Variants in NPIPA5 observed in about 807,000 individuals in gnomAD.
The protein encoded by NPIPA5 is nuclear pore complex interacting protein family member A5.
NPIPA5 carries 6 observed loss-of-function variants against 21.4 expected under a neutral mutation model. That is an observed-to-expected ratio of 0.28 (90% CI 0.15 to 0.55). The LOEUF is 0.55. NPIPA5 is among the 20% of genes least tolerant of loss of function. NPIPA5 has a pLI of 0.93. For missense variants in NPIPA5, 99 were observed against 318.2 expected, an observed-to-expected ratio of 0.31 and a Z score of 5.24; for synonymous variants, 33 against 115.3, an observed-to-expected ratio of 0.29 and a Z score of 4.57.
chr16:15,372,527 A>G (rs1448346698), intron 2 of NPIPA5, among the ~76,000 whole-genome samples: 1 of 146,288 alleles, frequency 6.8e-6, no homozygotes, highest in Non-Finnish European at 1.5e-5. Context: ...TCCAATTTAT[A>G]CCAAAAATTC....
rs1297986902 is a variant in NPIPA5 at position 15,370,602 on chromosome 16, T to G, written c.193-483A>C. Among the ~76,000 whole-genome samples the G allele has an allele frequency of 6.7e-4, 95 of 142,406 alleles. 10 individuals carry two copies. Among genetic ancestry groups the G allele is most frequent in the Non-Finnish European group, 5.2e-4 (34 of 65,664 alleles). 93.4% of individuals were successfully genotyped at this position (142,406 alleles called of 152,430 possible). On this transcript the variant is annotated intron_variant, in intron 2 of 7. Coordinates refer to ENST00000360151, the MANE Select transcript of NPIPA5 (RefSeq NM_001277325.2). ...CGCTGTCTCTGCTAAAAATACAAAA[T>G]TAGCCAGGCATGGTGGTGCATGCCT... is the stretch of plus-strand genomic sequence containing the variant.
chr16:15,378,992 T>C (rs1457576962), upstream of NPIPA5, among the ~76,000 whole-genome samples: 19 of 146,378 alleles, frequency 1.3e-4, no homozygotes, highest in African/African-American at 3.8e-4. Flanking sequence ...TCCAAGCAGG[T>C]GGGCAGGACC....
In NPIPA5 at chr16:15,370,577, C is replaced by T. The variant is rs1415275370; in HGVS notation, c.193-458G>A. ...GACCAGCCTCACCAACATGGAGAAACGCTGTCTCTGCTAAAAATACAAAAT... is the reference window on the plus strand; with the variant it reads ...GACCAGCCTCACCAACATGGAGAAATGCTGTCTCTGCTAAAAATACAAAAT... On this transcript the variant is annotated intron_variant, in intron 2 of 7. Transcript: ENST00000360151. Among the ~76,000 whole-genome samples, 623 of 144,306 alleles carry T rather than the reference C, an allele frequency of 4.3e-3. 44 individuals carry two copies. Among genetic ancestry groups the T allele is most frequent in the Non-Finnish European group, 4.7e-3 (310 of 66,216 alleles). 94.7% of individuals were successfully genotyped at this position (144,306 alleles called of 152,430 possible).
upstream of NPIPA5, among the ~76,000 whole-genome samples, chr16:15,379,962 T>A (rs950625894): frequency 1.3e-5 from 2 of 150,260 alleles, no homozygotes; most frequent in African/African-American, 5.0e-5. Flanking sequence ...ATAAAAAATA[T>A]ATATATATGT....
chr16:15,376,088 T>G (rs1226315905), intron 1 of NPIPA5, among the ~76,000 whole-genome samples: 1 of 152,056 alleles, frequency 6.6e-6, no homozygotes, highest in Non-Finnish European at 1.5e-5. Context: ...AGAAATACGG[T>G]GTTGAGCAGA....
At chr16:15,371,275 C>A (rs563322284) in intron 2 of NPIPA5, among the ~76,000 whole-genome samples, 1 of 142,640 alleles carries the variant, frequency 7.0e-6, no homozygotes, top group Non-Finnish European at 1.5e-5. Flanking sequence ...TCTGTCCCTG[C>A]TCTACTCAGA....
chr16:15,366,828 A>C, intron 4 of NPIPA5, 68 bp from the exon 5 acceptor site: 2 of 1,516,018 alleles, frequency 1.3e-6, no homozygotes, highest in South Asian at 1.2e-5. Context: ...CCCTTCTGGC[A>C]TCTGAAGGCT....
At chr16:15,376,294 C>T (rs62037840) in intron 1 of NPIPA5, among the ~76,000 whole-genome samples, 23,239 of 141,542 alleles carry the variant, frequency 0.16, 2,428 homozygotes, top group East Asian at 0.51. Context: ...TTTGGGAGGC[C>T]GAGGCGGGCG....
intron 7 of NPIPA5, 196 bp downstream of exon 7, chr16:15,365,233 G>GC (rs1319115148): frequency 6.3e-7 from 1 of 1,588,304 alleles, no homozygotes; most frequent in African/African-American, 1.4e-5. Context: ...TTAGATGGGG[G>GC]CCCCACTGGG....
chr16:15,367,240 T>C (rs2050000579), intron 4 of NPIPA5, among the ~76,000 whole-genome samples: 2 of 152,252 alleles, frequency 1.3e-5, no homozygotes, highest in South Asian at 4.1e-4. Flanking sequence ...ACTGAGACCA[T>C]CAGCCATAGA....
At chr16:15,368,583 G>A (rs973121378) in intron 4 of NPIPA5, among the ~76,000 whole-genome samples, 5 of 149,964 alleles carry the variant, frequency 3.3e-5, no homozygotes, top group Admixed American at 6.7e-5. Context: ...AACAATCCAG[G>A]CTGGGTGCGG....
chr16:15,364,005 G>A lies in NPIPA5; in HGVS notation c.707C>T (p.Ala236Val), dbSNP rs770203254. The A allele has an allele frequency of 1.3e-6, 2 of 1,584,340 alleles. No homozygotes were observed. The highest frequency in any genetic ancestry group is 1.7e-6 in the Non-Finnish European group (2 of 1,174,100). Residue 236 changes from alanine (A) to valine (V), a missense_variant, in exon 8 of 8, where the codon GCT (alanine) becomes GTT (valine). Coordinates refer to ENST00000360151, the MANE Select transcript of NPIPA5 (RefSeq NM_001277325.2). ...GCCCATCCTGTTTTTTAAAGTTTCAGCTGTGAGGTAGGGCCAGTAGGGCAA... is the reference window on the plus strand; with the variant it reads ...GCCCATCCTGTTTTTTAAAGTTTCAACTGTGAGGTAGGGCCAGTAGGGCAA... ...SGLPYWPYLTAETLKNRMGHQ... is the reference protein window; with the variant it reads ...SGLPYWPYLTVETLKNRMGHQ...
At chr16:15,379,952 A>T (rs1345049437), upstream of NPIPA5, among the ~76,000 whole-genome samples, 1 of 151,504 alleles carries the variant, frequency 6.6e-6, no homozygotes, top group South Asian at 2.1e-4. Flanking sequence ...TCAAAAAAAA[A>T]TAAAAAATAT....
chr16:15,372,444 C>T (rs1313772957), intron 2 of NPIPA5, among the ~76,000 whole-genome samples: 2 of 146,158 alleles, frequency 1.4e-5, no homozygotes, highest in Non-Finnish European at 3.0e-5. Context: ...GAGATCACAC[C>T]ATTATACTCC....
chr16:15,372,330 C>T (rs1333849788), intron 2 of NPIPA5, among the ~76,000 whole-genome samples: 2 of 147,908 alleles, frequency 1.4e-5, no homozygotes, highest in African/African-American at 4.9e-5. Context: ...ACTAAAAATA[C>T]ACAAATTAGC....
At chr16:15,369,489 C>A (rs1166685144) in intron 4 of NPIPA5, among the ~76,000 whole-genome samples, 1 of 151,702 alleles carries the variant, frequency 6.6e-6, no homozygotes, top group Non-Finnish European at 1.5e-5. Flanking sequence ...AAACCAATGC[C>A]AGTACTAGCA....
At position 15,376,856 on chromosome 16, in the gene NPIPA5, C is replaced by A. The variant is rs557422996; in HGVS notation, c.63+1376G>T. ...ACAAAAATTAGCCAGGCATTGTAATCTGAGCTACTCAGGAGGCTGAGGCAG... is the reference window on the plus strand; with the variant it reads ...ACAAAAATTAGCCAGGCATTGTAATATGAGCTACTCAGGAGGCTGAGGCAG... On this transcript the variant is annotated intron_variant, in intron 1 of 7. Transcript: ENST00000360151. Among the ~76,000 whole-genome samples, 13 of 152,234 alleles carry A rather than the reference C, an allele frequency of 8.5e-5. No homozygotes were observed. The South Asian group carries it at 2.7e-3, about 32-fold the overall frequency.
At position 15,375,440 on chromosome 16, in the gene NPIPA5, G is replaced by A. The variant is rs182484524; in HGVS notation, c.64-1597C>T. 4.4e-3 allele frequency among the ~76,000 whole-genome samples: 654 copies of A among 149,670 alleles called. 4 individuals carry two copies. Among genetic ancestry groups the A allele is most frequent in the African/African-American group, 0.014 (555 of 40,934 alleles). The stretch of plus-strand genomic sequence containing the variant: ...ATTCACAAATAAGTATCGAATTTTA[G>A]TTCTTAAAAAGTAACAAGGTGGGCC... On this transcript the variant is annotated intron_variant, in intron 1 of 7. Transcript: ENST00000360151.
chr16:15,375,510 G>A (rs1460251864), intron 1 of NPIPA5, among the ~76,000 whole-genome samples: 2 of 151,634 alleles, frequency 1.3e-5, no homozygotes, highest in East Asian at 2.0e-4. Context: ...TTGGGAAGCC[G>A]AGGTGGGTGG....
Sources: allele counts gnomAD v4.1 joint callset (sites outside exome capture counted in the v4.1 genomes callset), GRCh38; gene constraint gnomAD v4.1.1; transcripts MANE v1.5; gene names NCBI Gene and HGNC (gene_info 2026-07-23, HGNC 2026-07-21).